Variants in ADNP2 observed in about 807,000 individuals in gnomAD.
The protein encoded by ADNP2 is activity-dependent neuroprotector homeobox protein 2.
Under a neutral mutation model 16.4 loss-of-function variants are expected in ADNP2, and 8 were observed. The ratio of observed to expected loss-of-function variants is 0.49; its 90% CI spans 0.29 to 0.88. The LOEUF (loss-of-function observed/expected upper bound fraction) is 0.88, where lower values mean the gene tolerates loss of function less well. Among genes scored for constraint, ADNP2 ranks in the 40% least tolerant of loss-of-function variants. The pLI, the probability that ADNP2 is intolerant of heterozygous loss-of-function variation, is 0.09. For missense variants in ADNP2, 1,397 were observed against 1,395.1 expected (o/e 1.00, Z -0.02); for synonymous variants, 637 against 545.8 (o/e 1.17, Z -2.33).
intron 2 of ADNP2, among the ~76,000 whole-genome samples, chr18:80,120,778 A>G (rs1243938010): frequency 1.3e-5 from 2 of 151,920 alleles, no homozygotes; most frequent in African/African-American, 2.4e-5. Flanking sequence ...CCTCCGCCTC[A>G]TGAGTAGCTG....
At chr18:80,133,445 T>C (rs1429538189) in intron 3 of ADNP2, among the ~76,000 whole-genome samples, 2 of 152,222 alleles carry the variant, frequency 1.3e-5, no homozygotes, top group Non-Finnish European at 2.9e-5. Context: ...TTATAAGATA[T>C]CATTGCTGTA....
chr18:80,130,334 A>G (rs2145207304), intron 2 of ADNP2, among the ~76,000 whole-genome samples: 1 of 152,334 alleles, frequency 6.6e-6, no homozygotes, highest in South Asian at 2.1e-4. Flanking sequence ...ACCTCACAGG[A>G]CTGTCCATAT....
intron 2 of ADNP2, among the ~76,000 whole-genome samples, chr18:80,118,903 G>A (rs2052406300): frequency 6.6e-6 from 1 of 152,082 alleles, no homozygotes; most frequent in African/African-American, 2.4e-5. Context: ...ACTATTTTGG[G>A]GAGAAAATTT....
rs1291564174 is a variant in ADNP2, at chr18:80,136,551, C to T, written c.1138C>T (p.Pro380Ser). ...PVLPLSQPVG[P>S]VNKSVGTSVL... ...GTTGCCCTTGAGTCAGCCAGTCGGACCTGTCAATAAGTCTGTTGGAACTAG... is the reference window on the plus strand; with the variant it reads ...GTTGCCCTTGAGTCAGCCAGTCGGATCTGTCAATAAGTCTGTTGGAACTAG... The change falls in exon 4 of 4, where the codon CCT (proline) becomes TCT (serine). Residue 380 changes from proline to serine, a missense_variant. By Grantham distance (74) the Pro-to-Ser change is moderately conservative (BLOSUM62 -1). Around this residue, in one of 3 missense-constraint regions of ADNP2, gnomAD observed 777 missense variants for 719.4 expected, o/e 1.08. Coordinates refer to ENST00000262198, the MANE Select transcript of ADNP2 (RefSeq NM_014913.4). The T allele has an allele frequency of 1.2e-6, 2 of 1,614,214 alleles. No individual in the cohort carries two copies. Among genetic ancestry groups the T allele is most frequent in the East Asian group, 4.5e-5 (2 of 44,878 alleles).
chr18:80,122,366 CTT>C (rs1207311960), intron 2 of ADNP2, among the ~76,000 whole-genome samples: 1 of 152,146 alleles, frequency 6.6e-6, no homozygotes, highest in Non-Finnish European at 1.5e-5. Context: ...TGAGGATAGA[CTT>C]TTCCATTTCT....
In ADNP2 at chr18:80,129,396, C is replaced by T. The variant is rs369989149; in HGVS notation, c.109-3707C>T. 2.5e-3 allele frequency among the ~76,000 whole-genome samples: 380 copies of T among 152,282 alleles called. 3 individuals are homozygous for T. Among genetic ancestry groups the T allele is most frequent in the Middle Eastern group, 0.017 (5 of 294 alleles). ...GGGATTACAAGTGTGAGCCACCACA[C>T]CCGACCCCCAGAACATTTTTTACAC... is the stretch of plus-strand genomic sequence containing the variant. On this transcript the variant is annotated intron_variant, in intron 2 of 3. Coordinates refer to ENST00000262198, the MANE Select transcript of ADNP2 (RefSeq NM_014913.4).
chr18:80,136,492 G>T lies in ADNP2; in HGVS notation c.1079G>T (p.Gly360Val). The change falls in exon 4 of 4, where the codon GGG becomes GTG. Residue 360 changes from glycine to valine, a missense_variant. Gly to Val is a moderately radical substitution (Grantham distance 109). Around this residue, in one of 3 missense-constraint regions of ADNP2, gnomAD observed 777 missense variants for 719.4 expected, o/e 1.08. Transcript: ENST00000262198. ...CCTCAGCCCGTCTTTCTTTCTCACG[G>T]GGTTCCACTTCATCAGTCTGTGAAT... ...PAPQPVFLSH[G>V]VPLHQSVNPP... 1 of 1,614,112 alleles carries T rather than the reference G, an allele frequency of 6.2e-7. No homozygotes were observed. The highest frequency in any genetic ancestry group is 8.5e-7 in the Non-Finnish European group (1 of 1,180,024).
At chr18:80,112,471 T>C (rs1206887605) in intron 1 of ADNP2, among the ~76,000 whole-genome samples, 1 of 152,182 alleles carries the variant, frequency 6.6e-6, no homozygotes, top group Non-Finnish European at 1.5e-5. Flanking sequence ...CCCCCTCCTT[T>C]TTTTAAATGA....
Position 80,136,408 on chromosome 18 carries a change from C to T in ADNP2, c.995C>T (p.Thr332Ile), listed in dbSNP as rs1379376443. Reference protein sequence around the residue: ...SPPAAGQSHMTLVSSPLPVGQ... With the variant: ...SPPAAGQSHMILVSSPLPVGQ... ...CCTGCTGCTGGCCAATCCCACATGA[C>T]TCTGGTCTCCAGCCCTCTGCCTGTG... Residue 332 changes from threonine (T) to isoleucine (I), a missense_variant, in exon 4 of 4, where the codon ACT becomes ATT. Transcript: ENST00000262198. The T allele has an allele frequency of 6.2e-7, 1 of 1,614,202 alleles. No homozygotes were observed.
At chr18:80,110,360 C>G (rs1323368368) in intron 1 of ADNP2, among the ~76,000 whole-genome samples, 1 of 152,124 alleles carries the variant, frequency 6.6e-6, no homozygotes, top group Non-Finnish European at 1.5e-5. Context: ...AAAACTTACT[C>G]TATTTGCACG....
chr18:80,136,664 T>G lies in ADNP2; in HGVS notation c.1251T>G (p.Gly417=). ...VGPINRPVGP[G]VLPVSPSVTP... The stretch of plus-strand genomic sequence containing the variant: ...CCATAAACAGACCTGTTGGGCCTGG[T>G]GTTCTTCCTGTGAGCCCCTCTGTCA... Residue 417 remains glycine, a synonymous_variant, in exon 4 of 4, where the codon GGT becomes GGG. Transcript: ENST00000262198. The G allele has an allele frequency of 6.2e-7, 1 of 1,613,592 alleles. No homozygotes were observed. The highest frequency in any genetic ancestry group is 8.5e-7 in the Non-Finnish European group (1 of 1,179,636).
In ADNP2 at chr18:80,136,069, A is replaced by G. The variant is rs2052531110; in HGVS notation, c.656A>G (p.Lys219Arg). Residue 219 changes from lysine to arginine, a missense_variant, in exon 4 of 4, where the codon AAG becomes AGG. Physicochemically the swap from Lys to Arg is conservative, Grantham distance 26 (BLOSUM62 2). Around this residue, in one of 3 missense-constraint regions of ADNP2, gnomAD observed 777 missense variants for 719.4 expected, o/e 1.08. Transcript: ENST00000262198. Reference protein sequence around the residue: ...IPPPDKYYCKKCNANASSQDA... With the variant: ...IPPPDKYYCKRCNANASSQDA... ...CCACCTGACAAATATTACTGTAAAA[A>G]GTGCAACGCCAATGCCAGCAGCCAG... is the stretch of plus-strand genomic sequence containing the variant. 1 of 1,614,250 alleles carries G rather than the reference A, an allele frequency of 6.2e-7. No homozygotes were observed. Among genetic ancestry groups the G allele is most frequent in the Non-Finnish European group, 8.5e-7 (1 of 1,180,034 alleles).
intron 1 of ADNP2, among the ~76,000 whole-genome samples, chr18:80,110,490 G>A (rs779860840): frequency 6.6e-6 from 1 of 152,134 alleles, no homozygotes; most frequent in Non-Finnish European, 1.5e-5. Context: ...GCAGCAGTTT[G>A]TAGAGTACTG....
chr18:80,117,407 G>C, intron 1 of ADNP2, 123 bp from the exon 2 acceptor site: 1 of 539,138 alleles, frequency 1.9e-6, no homozygotes, highest in Non-Finnish European at 3.1e-6. Context: ...ATGTTCACTC[G>C]TTCTACAACA....
At chr18:80,117,333 C>T (rs968788323) in intron 1 of ADNP2, among the ~76,000 whole-genome samples, 197 bp from the exon 2 acceptor site, 1 of 152,044 alleles carries the variant, frequency 6.6e-6, no homozygotes, top group South Asian at 2.1e-4. Context: ...GTGTGTGATC[C>T]ACTTTTGAGT....
intron 2 of ADNP2, among the ~76,000 whole-genome samples, chr18:80,128,338 C>A (rs1186969068): frequency 6.6e-6 from 1 of 152,160 alleles, no homozygotes; most frequent in South Asian, 2.1e-4. Context: ...TGAAAATAAC[C>A]TAATTTTCAG....
At chr18:80,126,347 A>C (rs557756188) in intron 2 of ADNP2, among the ~76,000 whole-genome samples, 1 of 152,308 alleles carries the variant, frequency 6.6e-6, no homozygotes, top group Admixed American at 6.5e-5. Flanking sequence ...AAAAAATTAT[A>C]TTGATCTACA....
Position 80,109,472 on chromosome 18 carries a change from G to C in ADNP2, c.-14G>C, listed in dbSNP as rs2145185243. On this transcript the variant is annotated splice_region_variant and 5_prime_UTR_variant, in exon 1 of 4. Coordinates refer to ENST00000262198, the MANE Select transcript of ADNP2 (RefSeq NM_014913.4). The stretch of plus-strand genomic sequence containing the variant: ...ACGCGGTGCTCCTCGGGCGCCAAGC[G>C]GTAGGTACGGCCCGGCCCGGCGCGG... 1 of 148,048 alleles carries C rather than the reference G, an allele frequency of 6.8e-6. No individual in the cohort carries two copies. Among genetic ancestry groups the C allele is most frequent in the East Asian group, 2.0e-4 (1 of 5,100 alleles). 9.2% of individuals were successfully genotyped at this position (148,048 alleles called of 1,614,324 possible). A position where few individuals can be genotyped will look rare whatever the true frequency, so the allele number is the denominator to read the frequency against.
At position 80,136,718 on chromosome 18, in the gene ADNP2, A is replaced by G. The variant is rs953584808; in HGVS notation, c.1305A>G (p.Pro435=). The change falls in exon 4 of 4, where the codon CCA becomes CCG. Residue 435 remains proline, a synonymous_variant. Coordinates refer to ENST00000262198, the MANE Select transcript of ADNP2 (RefSeq NM_014913.4). ...VTPGVLQAVS[P]GVLSVSRAVP... is the part of the protein sequence containing the mutation. Reference sequence around the variant, plus strand: ...CTGGGGTCCTGCAGGCTGTCTCGCCAGGGGTGCTTTCTGTGAGTCGGGCGG... The same window carrying G: ...CTGGGGTCCTGCAGGCTGTCTCGCCGGGGGTGCTTTCTGTGAGTCGGGCGG... The G allele has an allele frequency of 1.2e-6, 2 of 1,613,356 alleles. No individual in the cohort carries two copies. Among genetic ancestry groups the G allele is most frequent in the Non-Finnish European group, 1.7e-6 (2 of 1,179,648 alleles).
Sources: allele counts gnomAD v4.1 joint callset (sites outside exome capture counted in the v4.1 genomes callset), GRCh38; gene constraint gnomAD v4.1.1; regional missense constraint gnomAD v4.1.1; transcripts MANE v1.5; gene names NCBI Gene and HGNC (gene_info 2026-07-23, HGNC 2026-07-21).